Variants in CNBD1 observed in about 807,000 individuals in gnomAD.
CNBD1 encodes the protein cyclic nucleotide binding domain containing 1, also known as cyclic nucleotide-binding domain-containing protein 1.
CNBD1 carries 71 observed loss-of-function variants against 54.4 expected under a neutral mutation model. That is an observed-to-expected ratio of 1.30 (90% CI 1.08 to 1.59). The LOEUF is 1.59. Among genes scored for constraint, CNBD1 ranks in the 40% most tolerant of loss-of-function variants. The probability of loss-of-function intolerance (pLI) is 0.00; values close to 1 mark genes in which losing one functional copy is unlikely to be tolerated. For missense variants in CNBD1, 659 were observed against 518.0 expected (o/e 1.27, Z -2.64); for synonymous variants, 182 against 170.7 (o/e 1.07, Z -0.51).
chr8:87,380,300 G>A (rs1811048252), intron 10 of CNBD1, among the ~76,000 whole-genome samples: 1 of 151,710 alleles, frequency 6.6e-6, no homozygotes, highest in Admixed American at 6.6e-5. Flanking sequence ...ATCATTCTTG[G>A]CACCCTTGTT....
At chr8:87,046,069 G>A (rs1038877660) in intron 4 of CNBD1, among the ~76,000 whole-genome samples, 1 of 141,224 alleles carries the variant, frequency 7.1e-6, no homozygotes, top group African/African-American at 2.7e-5. Context: ...AAAAAAAAGA[G>A]TGCACAGGTG....
At chr8:87,020,034 T>C (rs1809450705) in intron 4 of CNBD1, among the ~76,000 whole-genome samples, 1 of 152,312 alleles carries the variant, frequency 6.6e-6, no homozygotes, top group African/African-American at 2.4e-5. Context: ...GGGTTTTTTC[T>C]GGCTCATTAG....
chr8:87,081,145 T>G (rs1453586845), intron 4 of CNBD1, among the ~76,000 whole-genome samples: 1 of 152,174 alleles, frequency 6.6e-6, no homozygotes, highest in Non-Finnish European at 1.5e-5. Context: ...TTTAGTCTTC[T>G]AAATGTTTCT....
intron 1 of CNBD1, among the ~76,000 whole-genome samples, chr8:86,869,365 G>A (rs2453435): frequency 0.69 from 104,537 of 151,540 alleles, 36,630 homozygotes; most frequent in African/African-American, 0.8. Context: ...CAACAAAGCT[G>A]GCAGCATTCC....
rs1334806840 is a variant in CNBD1, at chr8:87,324,860, G to T, written c.1043-26825G>T. Among the ~76,000 whole-genome samples the T allele has an allele frequency of 1.9e-4, 21 of 110,896 alleles. 2 individuals are homozygous for T. The highest frequency in any genetic ancestry group is 8.0e-4 in the African/African-American group (19 of 23,874). The allele number at this position is 110,896 out of a possible 152,430, so 72.8% of individuals were successfully genotyped here. ...CTTCTGCTAGCTTTTGAATGTGTTTGCTCTTGCTTTTCTAGTTCTTTTAAT... is the reference window on the plus strand; with the variant it reads ...CTTCTGCTAGCTTTTGAATGTGTTTTCTCTTGCTTTTCTAGTTCTTTTAAT... On this transcript the variant is annotated intron_variant, in intron 8 of 10. Transcript: ENST00000518476.
rs188408823 is a variant in CNBD1 at position 86,979,466 on chromosome 8, A to G, written c.431+39712A>G. ...TTAGCCTGCCATGGTGGCACTCACCAGTTAATACCAGCTACTTCACAGGCT... is the reference window on the plus strand; with the variant it reads ...TTAGCCTGCCATGGTGGCACTCACCGGTTAATACCAGCTACTTCACAGGCT... On this transcript the variant is annotated intron_variant, in intron 4 of 10. Coordinates refer to ENST00000518476, the MANE Select transcript of CNBD1 (RefSeq NM_173538.3). Among the ~76,000 whole-genome samples, 41 of 150,224 alleles carry G rather than the reference A, an allele frequency of 2.7e-4. No individual in the cohort carries two copies. In the East Asian group the frequency reaches 6.9e-3, roughly 25 times the overall value.
chr8:87,171,146 A>G (rs1054015907), intron 4 of CNBD1, among the ~76,000 whole-genome samples: 44 of 152,260 alleles, frequency 2.9e-4, no homozygotes, highest in African/African-American at 1.1e-3. Context: ...TGAAGATATC[A>G]GGTCTCAGGC....
chr8:87,226,365 C>T (rs1814491642), intron 5 of CNBD1, among the ~76,000 whole-genome samples: 3 of 150,168 alleles, frequency 2.0e-5, no homozygotes, highest in South Asian at 4.2e-4. Context: ...CCTGCTTTCT[C>T]TTGTGAGCAT....
intron 4 of CNBD1, among the ~76,000 whole-genome samples, chr8:86,993,371 C>G (rs916234832): frequency 6.6e-6 from 1 of 152,010 alleles, no homozygotes; most frequent in Non-Finnish European, 1.5e-5. Context: ...GATTGTTTTA[C>G]TAGAGTCCTG....
intron 5 of CNBD1, among the ~76,000 whole-genome samples, chr8:87,208,505 A>T (rs1248838106): frequency 6.6e-6 from 1 of 151,968 alleles, no homozygotes; most frequent in Non-Finnish European, 1.5e-5. Context: ...ACGTAGATAT[A>T]ATTTACTGAA....
chr8:87,201,919 G>A (rs1022302576), intron 4 of CNBD1, among the ~76,000 whole-genome samples: 2 of 151,930 alleles, frequency 1.3e-5, no homozygotes, highest in Non-Finnish European at 2.9e-5. Context: ...CACCTAGCTA[G>A]TTTTTGTATT....
intron 5 of CNBD1, among the ~76,000 whole-genome samples, chr8:87,229,478 T>G (rs950140085): frequency 5.9e-5 from 9 of 152,208 alleles, no homozygotes; most frequent in Admixed American, 5.9e-4. Context: ...CTGTTAGTAA[T>G]ATTTTAATTG....
At chr8:87,209,051 CA>C (rs1814036610) in intron 5 of CNBD1, among the ~76,000 whole-genome samples, 1 of 151,806 alleles carries the variant, frequency 6.6e-6, no homozygotes, top group African/African-American at 2.4e-5. Flanking sequence ...AACCATAATT[CA>C]AATAATTTAT....
At chr8:86,886,023 T>C (rs1226074513) in intron 1 of CNBD1, among the ~76,000 whole-genome samples, 1 of 152,180 alleles carries the variant, frequency 6.6e-6, no homozygotes, top group Non-Finnish European at 1.5e-5. Flanking sequence ...ATAAAGAATA[T>C]TTACTTTTTT....
At chr8:86,906,318 G>A (rs543872066) in intron 3 of CNBD1, among the ~76,000 whole-genome samples, 2 of 152,258 alleles carry the variant, frequency 1.3e-5, no homozygotes, top group South Asian at 4.1e-4. Context: ...GCAGTATTAT[G>A]TAAAACATAC....
intron 4 of CNBD1, among the ~76,000 whole-genome samples, chr8:86,942,995 T>C (rs1807371877): frequency 6.6e-6 from 1 of 152,176 alleles, no homozygotes; most frequent in Non-Finnish European, 1.5e-5. Flanking sequence ...TAATGAACTT[T>C]TGAAAATGTT....
intron 8 of CNBD1, among the ~76,000 whole-genome samples, chr8:87,336,371 G>A (rs1321599548): frequency 6.6e-6 from 1 of 151,990 alleles, no homozygotes; most frequent in Non-Finnish European, 1.5e-5. Context: ...ATAGTCTCAT[G>A]TTTCTTGAAG....
chr8:87,124,248 C>T (rs1282612300), intron 4 of CNBD1, among the ~76,000 whole-genome samples: 1 of 151,566 alleles, frequency 6.6e-6, no homozygotes, highest in Non-Finnish European at 1.5e-5. Context: ...GAGAATTGAA[C>T]TCAAACACAT....
intron 4 of CNBD1, among the ~76,000 whole-genome samples, chr8:86,945,999 G>C (rs1186810489): frequency 6.6e-6 from 1 of 152,118 alleles, no homozygotes; most frequent in Non-Finnish European, 1.5e-5. Flanking sequence ...GTATGATCTT[G>C]GGCAAATTTC....
Sources: gnomAD v4.1 joint callset for allele counts (sites outside exome capture counted in the v4.1 genomes callset) on GRCh38, gnomAD v4.1.1 for gene constraint, MANE v1.5 for transcripts, NCBI Gene and HGNC (gene_info 2026-07-23, HGNC 2026-07-21) for gene names.